The following RTKN2 variants were observed in gnomAD, a reference collection of about 807,000 sequenced individuals.
RTKN2 encodes the protein rhotekin 2.
Under a neutral mutation model 71.5 loss-of-function variants are expected in RTKN2, and 69 were observed. The ratio of observed to expected loss-of-function variants is 0.96; its 90% CI spans 0.79 to 1.18. The LOEUF (loss-of-function observed/expected upper bound fraction) is 1.18. RTKN2 is among the 50% of genes most tolerant of loss of function. RTKN2 has a pLI of 0.00. For synonymous variants in RTKN2, 236 were observed against 236.5 expected (o/e 1.00, Z 0.02); for missense variants, 724 against 719.7 (o/e 1.01, Z -0.07).
chr10:62,204,146 C>G (rs1323194993), intron 10 of RTKN2, among the ~76,000 whole-genome samples: 4 of 152,094 alleles, frequency 2.6e-5, no homozygotes, highest in African/African-American at 9.7e-5. Flanking sequence ...TTTGTTTGAT[C>G]AGAAACAGAC....
In RTKN2 at chr10:62,197,164, G is replaced by A; in HGVS notation, c.*744C>T. The A allele has an allele frequency of 1.6e-5, 16 of 985,486 alleles. No individual in the cohort carries two copies. The highest frequency in any genetic ancestry group is 1.8e-5 in the Non-Finnish European group (15 of 829,834). The allele number at this position is 985,486 out of a possible 1,614,324, so 61.0% of individuals were successfully genotyped here. On this transcript the variant is annotated 3_prime_UTR_variant, in exon 12 of 12. Transcript: ENST00000373789. ...TTCCCTAAATTCCAAAGTCACAATG[G>A]AAATTAGCACCACACACAGAAAATT...
At chr10:62,198,930 C>A (rs1017804677) in intron 11 of RTKN2, among the ~76,000 whole-genome samples, 6 of 152,038 alleles carry the variant, frequency 3.9e-5, no homozygotes, top group Non-Finnish European at 5.9e-5. Flanking sequence ...TTCCTGTAGA[C>A]CAGCAAAGTC....
At chr10:62,218,532 T>C (rs187618738) in intron 7 of RTKN2, among the ~76,000 whole-genome samples, 3 of 152,214 alleles carry the variant, frequency 2.0e-5, no homozygotes, top group Admixed American at 6.5e-5. Flanking sequence ...TGACAGTTTA[T>C]AGCATGCTAT....
downstream of RTKN2, among the ~76,000 whole-genome samples, chr10:62,189,163 A>G (rs2132760120): frequency 6.7e-6 from 1 of 150,008 alleles, no homozygotes; most frequent in Non-Finnish European, 1.5e-5. Context: ...TTTGGGCTAG[A>G]TAATTATTTG....
In RTKN2 at chr10:62,236,283, T is replaced by C; in HGVS notation, c.489-20A>G. The C allele has an allele frequency of 6.6e-7, 1 of 1,523,302 alleles. No homozygotes were observed. Among genetic ancestry groups the C allele is most frequent in the Non-Finnish European group, 9.0e-7 (1 of 1,111,784 alleles). 94.4% of individuals were successfully genotyped at this position (1,523,302 alleles called of 1,614,324 possible). On this transcript the variant is annotated intron_variant, in intron 5 of 11. Coordinates refer to ENST00000373789, the MANE Select transcript of RTKN2 (RefSeq NM_145307.4). ...TCATTACTAAAAACAAGGGCATTCATAATGTTGGAAATTTAACTCAGTAGA... is the reference window on the plus strand; with the variant it reads ...TCATTACTAAAAACAAGGGCATTCACAATGTTGGAAATTTAACTCAGTAGA...
At chr10:62,260,266 A>G (rs1369939468) in intron 2 of RTKN2, among the ~76,000 whole-genome samples, 1 of 152,186 alleles carries the variant, frequency 6.6e-6, no homozygotes, top group African/African-American at 2.4e-5. Context: ...AGGGCTTAAT[A>G]AGTGTTCTGC....
chr10:62,241,580 T>C (rs1430844068), intron 3 of RTKN2, among the ~76,000 whole-genome samples: 2 of 152,166 alleles, frequency 1.3e-5, no homozygotes, highest in Non-Finnish European at 2.9e-5. Flanking sequence ...CCATACTATT[T>C]TTCTTTTTTT....
intron 1 of RTKN2, among the ~76,000 whole-genome samples, chr10:62,268,079 C>A (rs1461769466): frequency 6.6e-6 from 1 of 152,202 alleles, no homozygotes; most frequent in Non-Finnish European, 1.5e-5. Context: ...TTGCTGTTTG[C>A]CTCTACTCCG....
At chr10:62,267,139 G>GT (rs1379487584) in intron 1 of RTKN2, among the ~76,000 whole-genome samples, 2 of 152,146 alleles carry the variant, frequency 1.3e-5, no homozygotes, top group Non-Finnish European at 2.9e-5. Context: ...ACTATTTTGT[G>GT]TTTTTTCTTC....
In RTKN2 at chr10:62,268,759, A is replaced by C; in HGVS notation, c.-149T>G. 1 of 785,012 alleles carries C rather than the reference A, an allele frequency of 1.3e-6. No homozygotes were observed. The highest frequency in any genetic ancestry group is 3.0e-5 in the Admixed American group (1 of 32,894). The allele number at this position is 785,012 out of a possible 1,614,324, so 48.6% of individuals were successfully genotyped here. On this transcript the variant is annotated 5_prime_UTR_variant, in exon 1 of 12. Coordinates refer to ENST00000373789, the MANE Select transcript of RTKN2 (RefSeq NM_145307.4). Reference sequence around the variant, plus strand: ...CGGGGGCGCAGGAGGAGCCGGGCCGAAGCGCACGCGCAGTGGGCGCGCCTT... The same window carrying C: ...CGGGGGCGCAGGAGGAGCCGGGCCGCAGCGCACGCGCAGTGGGCGCGCCTT...
chr10:62,218,764 T>C (rs970200790), intron 7 of RTKN2, among the ~76,000 whole-genome samples: 2 of 152,208 alleles, frequency 1.3e-5, no homozygotes, highest in African/African-American at 2.4e-5. Flanking sequence ...GGCAGGCGGA[T>C]CACTTGAGGT....
In RTKN2 at chr10:62,193,824, A is replaced by C; in HGVS notation, c.*4084T>G. On this transcript the variant is annotated 3_prime_UTR_variant, in exon 12 of 12. Transcript: ENST00000373789. The stretch of plus-strand genomic sequence containing the variant: ...AAGAGTATACTTTAAGAAGGATTAT[A>C]TGTAAACATTTTAATAATGTTAATT... The C allele has an allele frequency of 2.0e-6, 2 of 975,902 alleles. No homozygotes were observed. The highest frequency in any genetic ancestry group is 4.7e-5 in the South Asian group (1 of 21,072). 60.5% of individuals were successfully genotyped at this position (975,902 alleles called of 1,614,324 possible).
At chr10:62,252,529 A>G (rs538661012) in intron 2 of RTKN2, among the ~76,000 whole-genome samples, 26 of 152,254 alleles carry the variant, frequency 1.7e-4, no homozygotes, top group African/African-American at 5.8e-4. Context: ...CATATCAAAG[A>G]CTAAAACAAA....
intron 2 of RTKN2, among the ~76,000 whole-genome samples, chr10:62,247,846 C>A (rs1371403898): frequency 2.0e-5 from 3 of 152,054 alleles, no homozygotes; most frequent in Non-Finnish European, 4.4e-5. Context: ...ATGAGCAATG[C>A]ATAATATAAA....
Position 62,241,208 on chromosome 10 carries a change from G to GA in RTKN2, c.317-14dup, listed in dbSNP as rs1842367391. 2 of 1,527,810 alleles carry GA rather than the reference G, an allele frequency of 1.3e-6. No homozygotes were observed. Among genetic ancestry groups the GA allele is most frequent in the Non-Finnish European group, 9.0e-7 (1 of 1,111,696 alleles). 94.6% of individuals were successfully genotyped at this position (1,527,810 alleles called of 1,614,324 possible). A position where few individuals can be genotyped will look rare whatever the true frequency, so the allele number is the denominator to read the frequency against. Reference sequence around the variant, plus strand: ...GGTATTCGAATATCTATAAAGAAGGGAAAAAGAAATGACAAGTAATAATTT... The same window carrying GA: ...GGTATTCGAATATCTATAAAGAAGGGAAAAAAGAAATGACAAGTAATAATTT... On this transcript the variant is annotated splice_polypyrimidine_tract_variant and intron_variant, in intron 3 of 11. Coordinates refer to ENST00000373789, the MANE Select transcript of RTKN2 (RefSeq NM_145307.4).
chr10:62,214,676 G>A (rs1317254682), intron 9 of RTKN2, among the ~76,000 whole-genome samples: 1 of 152,012 alleles, frequency 6.6e-6, no homozygotes, highest in Non-Finnish European at 1.5e-5. Flanking sequence ...AATTTAAATC[G>A]TAAAGTTTCC....
rs562026063 is a variant in RTKN2, at chr10:62,265,140, G to T, written c.61-2319C>A. On this transcript the variant is annotated intron_variant, in intron 1 of 11. Coordinates refer to ENST00000373789, the MANE Select transcript of RTKN2 (RefSeq NM_145307.4). ...TACGTGTAAAAAGTTTGAAGATGAT[G>T]TAAGATTAAAGTACTATTTATTAAG... Among the ~76,000 whole-genome samples the T allele has an allele frequency of 3.3e-5, 5 of 152,188 alleles. No individual in the cohort carries two copies. The East Asian group carries it at 9.6e-4, about 29-fold the overall frequency.
downstream of RTKN2, among the ~76,000 whole-genome samples, chr10:62,190,602 C>T (rs1841206328): frequency 1.3e-5 from 2 of 152,108 alleles, no homozygotes; most frequent in Admixed American, 6.5e-5. Flanking sequence ...GTAGCCATCC[C>T]AGTTGTTAAC....
At chr10:62,226,441 G>T (rs1842025313) in intron 6 of RTKN2, among the ~76,000 whole-genome samples, 1 of 152,132 alleles carries the variant, frequency 6.6e-6, no homozygotes, top group South Asian at 2.1e-4. Context: ...AGTCATTACA[G>T]ACCAAAGATA....
Sources: allele counts gnomAD v4.1 joint callset (sites outside exome capture counted in the v4.1 genomes callset), GRCh38; gene constraint gnomAD v4.1.1; transcripts MANE v1.5; gene names NCBI Gene and HGNC (gene_info 2026-07-23, HGNC 2026-07-21).